RARB: variants seen among roughly 807,000 people sequenced by gnomAD.
RARB encodes retinoic acid receptor beta, also known as HBV-activated protein.
In RARB, 17 loss-of-function variants were observed where a neutral mutation model predicts 51.9. The ratio of observed to expected loss-of-function variants is 0.33; its 90% CI spans 0.22 to 0.49. The LOEUF is 0.49. RARB is among the 20% of genes least tolerant of loss of function. RARB has a pLI of 0.99. For missense variants in RARB, 369 were observed against 550.8 expected, an observed-to-expected ratio of 0.67 and a Z score of 3.30; for synonymous variants, 215 against 195.4, an observed-to-expected ratio of 1.10 and a Z score of -0.84.
chr3:25,156,209 G>C (rs904382599), intron 4 of RARB, among the ~76,000 whole-genome samples: 1 of 152,184 alleles, frequency 6.6e-6, no homozygotes, highest in Admixed American at 6.5e-5. Context: ...GAATGAATGG[G>C]ATTTGATAAC....
rs1304131325 is a variant in RARB at position 25,545,010 on chromosome 3, G to T, written c.449-24748G>T. ...GGAGTCTCGTTCTGTCGCCCAGGCT[G>T]GAGGGCAGTGGCATGATCTCAGCTC... On this transcript the variant is annotated intron_variant, in intron 3 of 7. Transcript: ENST00000330688. 3.3e-5 allele frequency among the ~76,000 whole-genome samples: 5 copies of T among 152,320 alleles called. No homozygotes were observed. In the East Asian group the frequency reaches 9.6e-4, roughly 29 times the overall value.
intron 2 of RARB, among the ~76,000 whole-genome samples, chr3:24,967,214 G>C (rs778488569): frequency 6.6e-6 from 1 of 152,026 alleles, no homozygotes; most frequent in African/African-American, 2.4e-5. Context: ...TAAGCTTCTC[G>C]TTGGTCACAG....
intron 2 of RARB, among the ~76,000 whole-genome samples, chr3:24,867,614 G>T (rs1702875411): frequency 6.6e-6 from 1 of 152,088 alleles, no homozygotes; most frequent in African/African-American, 2.4e-5. Context: ...GGGAGCCTTT[G>T]GTCTCATGGG....
chr3:25,420,990 CCA>C lies in RARB; in HGVS notation c.179-40202_179-40201del, dbSNP rs776426494. 1.1e-3 allele frequency among the ~76,000 whole-genome samples: 70 copies of C among 62,422 alleles called. 3 individuals carry two copies. Among genetic ancestry groups the C allele is most frequent in the South Asian group, 7.8e-3 (14 of 1,788 alleles). 41.0% of individuals were successfully genotyped at this position (62,422 alleles called of 152,430 possible). On this transcript the variant is annotated intron_variant, in intron 5 of 11. Transcript: ENST00000383772. ...GTGCTGAGGCTCAACACCACTTATGCCAAAAAAAAAAAAAAAAAACAGAGTCA... is the reference window on the plus strand; with the variant it reads ...GTGCTGAGGCTCAACACCACTTATGCAAAAAAAAAAAAAAAAACAGAGTCA...
intron 2 of RARB, among the ~76,000 whole-genome samples, chr3:24,888,810 G>T (rs1002290787): frequency 6.6e-6 from 1 of 152,194 alleles, no homozygotes; most frequent in Non-Finnish European, 1.5e-5. Context: ...TGTAGAATAT[G>T]TGGTTCAGTC....
chr3:25,230,467 T>G (rs950518981), intron 5 of RARB, among the ~76,000 whole-genome samples: 46 of 152,050 alleles, frequency 3.0e-4, no homozygotes, highest in African/African-American at 1.0e-3. Flanking sequence ...TTCACCAACA[T>G]AAATTGTTAC....
intron 4 of RARB, among the ~76,000 whole-genome samples, chr3:25,173,844 T>C (rs924379100): frequency 1.8e-4 from 27 of 152,136 alleles, no homozygotes; most frequent in Non-Finnish European, 5.9e-5. Flanking sequence ...TTAACTGCCA[T>C]GGAGAAAAAT....
chr3:25,509,472 C>T (rs141767885), intron 3 of RARB, among the ~76,000 whole-genome samples: 1 of 152,344 alleles, frequency 6.6e-6, no homozygotes, highest in East Asian at 1.9e-4. Flanking sequence ...AGACTCTATT[C>T]ATTTTGAATT....
At chr3:24,960,850 G>C (rs1208523505) in intron 2 of RARB, among the ~76,000 whole-genome samples, 3 of 151,970 alleles carry the variant, frequency 2.0e-5, no homozygotes, top group African/African-American at 4.8e-5. Flanking sequence ...ATTTCTGGCA[G>C]AGTATCTCTT....
At chr3:25,365,101 G>T (rs1706071943) in intron 5 of RARB, among the ~76,000 whole-genome samples, 1 of 151,120 alleles carries the variant, frequency 6.6e-6, no homozygotes, top group South Asian at 2.1e-4. Flanking sequence ...AAATGTGGCA[G>T]TACAGAAAAT....
chr3:25,394,511 A>C (rs951822727), intron 5 of RARB, among the ~76,000 whole-genome samples: 2 of 152,030 alleles, frequency 1.3e-5, no homozygotes, highest in Non-Finnish European at 2.9e-5. Flanking sequence ...AAGTCCCCCA[A>C]CTATTATTGT....
intron 1 of RARB, among the ~76,000 whole-genome samples, chr3:25,455,546 A>C (rs943632071): frequency 6.6e-6 from 1 of 152,130 alleles, no homozygotes; most frequent in Non-Finnish European, 1.5e-5. Flanking sequence ...GTGGGGGTGG[A>C]GATGTCTAAA....
At chr3:24,889,919 A>G (rs1253945003) in intron 2 of RARB, among the ~76,000 whole-genome samples, 1 of 151,952 alleles carries the variant, frequency 6.6e-6, no homozygotes, top group African/African-American at 2.4e-5. Flanking sequence ...AAAAAAAAAA[A>G]AAAAGAAAAA....
chr3:25,360,235 TTC>T (rs1271168758), intron 5 of RARB, among the ~76,000 whole-genome samples: 1 of 152,222 alleles, frequency 6.6e-6, no homozygotes, highest in African/African-American at 2.4e-5. Flanking sequence ...TGTAATGGCC[TTC>T]TTTGTCTCTT....
At chr3:24,926,046 G>A (rs575025134) in intron 2 of RARB, among the ~76,000 whole-genome samples, 84 of 152,206 alleles carry the variant, frequency 5.5e-4, no homozygotes, top group Admixed American at 1.3e-3. Context: ...TGAATTTATT[G>A]TTGATAACTC....
At chr3:24,864,051 A>C (rs766025035) in intron 2 of RARB, among the ~76,000 whole-genome samples, 1 of 152,126 alleles carries the variant, frequency 6.6e-6, no homozygotes, top group Non-Finnish European at 1.5e-5. Flanking sequence ...TTCTGCCCTA[A>C]GCTTAGAAAT....
At chr3:24,835,472 C>T (rs1455647370) in intron 1 of RARB, among the ~76,000 whole-genome samples, 1 of 152,110 alleles carries the variant, frequency 6.6e-6, no homozygotes, top group Non-Finnish European at 1.5e-5. Context: ...ATGATGATTA[C>T]TAATATTGAT....
At chr3:25,353,412 G>A (rs902845836) in intron 5 of RARB, among the ~76,000 whole-genome samples, 3 of 152,086 alleles carry the variant, frequency 2.0e-5, no homozygotes, top group Non-Finnish European at 4.4e-5. Context: ...CATTACACTG[G>A]ACCCTTTAGA....
chr3:25,089,203 G>T lies in RARB; in HGVS notation c.-328+29027G>T, dbSNP rs562659106. Among the ~76,000 whole-genome samples, 181 of 150,938 alleles carry T rather than the reference G, an allele frequency of 1.2e-3. 1 individual carries two copies. Among genetic ancestry groups the T allele is most frequent in the Non-Finnish European group, 2.2e-3 (146 of 67,750 alleles). On this transcript the variant is annotated intron_variant, in intron 3 of 11. Coordinates refer to the RARB transcript ENST00000383772. The stretch of plus-strand genomic sequence containing the variant: ...TTATAATTTATTTTTGGTTTATTTT[G>T]GTTTTCCTCCATAAAAATTATCCTG...
Sources: gnomAD v4.1 joint callset for allele counts (sites outside exome capture counted in the v4.1 genomes callset) on GRCh38, gnomAD v4.1.1 for gene constraint, MANE v1.5 for transcripts, NCBI Gene and HGNC (gene_info 2026-07-23, HGNC 2026-07-21) for gene names.